Variants in CDH13 observed in about 807,000 individuals in gnomAD.
The protein encoded by CDH13 is cadherin-13.
A neutral mutation model predicts 63.8 loss-of-function variants in CDH13; 24 were observed. The observed-to-expected ratio is 0.38, with a 90% CI of 0.27 to 0.53. The LOEUF is 0.53. CDH13 is among the 20% of genes least tolerant of loss of function. The pLI is 0.85. For missense variants in CDH13, 1,049 were observed against 903.1 expected, an observed-to-expected ratio of 1.16 and a Z score of -2.07; for synonymous variants, 503 against 355.3, an observed-to-expected ratio of 1.42 and a Z score of -4.67.
At chr16:82,629,249 C>CTCTAT (rs1156582606) in intron 1 of CDH13, among the ~76,000 whole-genome samples, 5 of 152,196 alleles carry the variant, frequency 3.3e-5, no homozygotes, top group Admixed American at 6.5e-5. Flanking sequence ...TGAAGGCTCA[C>CTCTAT]TCTATTTATT....
At chr16:83,145,676 A>G (rs539782947) in intron 4 of CDH13, among the ~76,000 whole-genome samples, 1 of 152,312 alleles carries the variant, frequency 6.6e-6, no homozygotes, top group East Asian at 1.9e-4. Flanking sequence ...CCTCTGATTC[A>G]TGCTAGGCTT....
At chr16:83,705,732 A>C (rs1906941775) in intron 10 of CDH13, among the ~76,000 whole-genome samples, 1 of 152,190 alleles carries the variant, frequency 6.6e-6, no homozygotes, top group African/African-American at 2.4e-5. Context: ...TCCTTCAAAC[A>C]ACCCTAAAGC....
chr16:83,635,332 C>CTTTTTTTTTT lies in CDH13; in HGVS notation c.1101+32758_1101+32767dup, dbSNP rs71148847. Among the ~76,000 whole-genome samples, 21 of 46,738 alleles carry CTTTTTTTTTT rather than the reference C, an allele frequency of 4.5e-4. 1 individual carries two copies. The highest frequency in any genetic ancestry group is 9.9e-4 in the African/African-American group (10 of 10,114). The allele number at this position is 46,738 out of a possible 152,430, so 30.7% of individuals were successfully genotyped here. On this transcript the variant is annotated intron_variant, in intron 8 of 13. Transcript: ENST00000567109. ...ACTTTAACTTTTGCCCATTTTCTTT[C>CTTTTTTTTTT]TTTTTTTTTTTTTTTTTTTTTTTTT...
intron 2 of CDH13, among the ~76,000 whole-genome samples, chr16:82,984,884 C>G (rs1292274583): frequency 3.9e-5 from 6 of 152,162 alleles, no homozygotes; most frequent in Non-Finnish European, 7.4e-5. Context: ...GTTATAATCA[C>G]TGCTTTTACC....
At chr16:82,679,149 T>G (rs959503255) in intron 1 of CDH13, among the ~76,000 whole-genome samples, 3 of 152,182 alleles carry the variant, frequency 2.0e-5, no homozygotes, top group Non-Finnish European at 4.4e-5. Context: ...ATTCCCAAAC[T>G]TTGCAAGCAT....
At chr16:83,247,851 C>G (rs1905120074) in intron 5 of CDH13, among the ~76,000 whole-genome samples, 1 of 152,152 alleles carries the variant, frequency 6.6e-6, no homozygotes, top group African/African-American at 2.4e-5. Flanking sequence ...GTCAGAGGCA[C>G]AGAACAAAAT....
chr16:83,010,844 G>T (rs959703954), intron 2 of CDH13, among the ~76,000 whole-genome samples: 2 of 152,168 alleles, frequency 1.3e-5, no homozygotes, highest in African/African-American at 4.8e-5. Context: ...CGTGCAGTTG[G>T]TTGTAGCAAA....
chr16:82,888,201 C>A (rs2040958338), intron 2 of CDH13, among the ~76,000 whole-genome samples: 1 of 152,200 alleles, frequency 6.6e-6, no homozygotes, highest in Non-Finnish European at 1.5e-5. Flanking sequence ...TCCTCTATGA[C>A]CTTGCCATAG....
intron 10 of CDH13, among the ~76,000 whole-genome samples, chr16:83,731,796 G>C (rs1352991315): frequency 6.6e-6 from 1 of 152,166 alleles, no homozygotes; most frequent in Non-Finnish European, 1.5e-5. Flanking sequence ...TATTCAGAAA[G>C]TATCCATTTT....
At chr16:82,921,624 A>G (rs28842265) in intron 2 of CDH13, among the ~76,000 whole-genome samples, 1,609 of 152,336 alleles carry the variant, frequency 0.011, 43 homozygotes, top group African/African-American at 0.037. Flanking sequence ...TCAGTCTACT[A>G]ACTATGTTAT....
chr16:83,622,695 A>G (rs1279146299), intron 8 of CDH13, among the ~76,000 whole-genome samples: 3 of 152,194 alleles, frequency 2.0e-5, no homozygotes, highest in Admixed American at 2.0e-4. Flanking sequence ...CTACATAACA[A>G]TTTTTAAATC....
intron 4 of CDH13, among the ~76,000 whole-genome samples, chr16:83,205,345 T>A (rs11150547): frequency 0.95 from 144,274 of 152,210 alleles, 68,641 homozygotes; most frequent in Non-Finnish European, 0.99. Flanking sequence ...ATTGGCAATT[T>A]GGGGGGTTTG....
At chr16:83,552,910 C>G (rs541033134) in intron 7 of CDH13, among the ~76,000 whole-genome samples, 12 of 152,222 alleles carry the variant, frequency 7.9e-5, no homozygotes, top group Non-Finnish European at 1.5e-4. Context: ...GAAACCCTGT[C>G]TCTACTAAAA....
At chr16:83,574,427 C>G (rs1228971931) in intron 7 of CDH13, among the ~76,000 whole-genome samples, 2 of 152,122 alleles carry the variant, frequency 1.3e-5, no homozygotes, top group Non-Finnish European at 2.9e-5. Context: ...AAGCCTGTGC[C>G]TCAAAAACAC....
chr16:83,227,758 G>A (rs1208367173), intron 5 of CDH13, among the ~76,000 whole-genome samples: 2 of 152,148 alleles, frequency 1.3e-5, no homozygotes, highest in Non-Finnish European at 2.9e-5. Context: ...GGACCATAGA[G>A]CCAGCGTCCA....
chr16:83,480,228 A>G (rs2073726641), intron 6 of CDH13, among the ~76,000 whole-genome samples: 1 of 152,136 alleles, frequency 6.6e-6, no homozygotes, highest in Non-Finnish European at 1.5e-5. Context: ...AGGTGGGAGG[A>G]TCACTTGAGC....
At chr16:83,057,983 A>G (rs2031121866) in intron 3 of CDH13, among the ~76,000 whole-genome samples, 1 of 152,242 alleles carries the variant, frequency 6.6e-6, no homozygotes, top group Non-Finnish European at 1.5e-5. Flanking sequence ...AAAAAATAAA[A>G]TAAAACAAAG....
At chr16:83,092,855 G>A (rs1176874768) in intron 3 of CDH13, among the ~76,000 whole-genome samples, 2 of 152,134 alleles carry the variant, frequency 1.3e-5, no homozygotes, top group South Asian at 2.1e-4. Context: ...ACATTGCTCA[G>A]TAACTATGTG....
chr16:82,826,599 C>G lies in CDH13; in HGVS notation c.46-31763C>G, dbSNP rs557721154. 14 of 152,126 alleles carry G rather than the reference C, an allele frequency of 9.2e-5. No homozygotes were observed. In the South Asian group the frequency reaches 2.1e-3, roughly 23 times the overall value. The allele number at this position is 152,126 out of a possible 1,614,324, so 9.4% of individuals were successfully genotyped here. A position where few individuals can be genotyped will look rare whatever the true frequency, so the allele number is the denominator to read the frequency against. ...CCTTTCTCATCTCAGGAATAGAGTC[C>G]CAATCACTTCCAGATTGAAGCACTT... On this transcript the variant is annotated intron_variant, in intron 1 of 13. Transcript: ENST00000567109.
Sources: gnomAD v4.1 joint callset for allele counts (sites outside exome capture counted in the v4.1 genomes callset) on GRCh38, gnomAD v4.1.1 for gene constraint, MANE v1.5 for transcripts, NCBI Gene and HGNC (gene_info 2026-07-23, HGNC 2026-07-21) for gene names.